Variants in NLRP2 observed in about 807,000 individuals in gnomAD.
NLRP2 encodes NACHT, LRR and PYD domains-containing protein 2.
A neutral mutation model predicts 97.2 loss-of-function variants in NLRP2; 107 were observed. The ratio of observed to expected loss-of-function variants is 1.10; its 90% confidence interval spans 0.94 to 1.29. NLRP2 has a LOEUF of 1.29. NLRP2 is among the 50% of genes most tolerant of loss of function. The pLI is 0.00. For synonymous variants in NLRP2, 663 were observed against 551.5 expected, an observed-to-expected ratio of 1.20 and a Z score of -2.83; for missense variants, 1,495 against 1,330.3, an observed-to-expected ratio of 1.12 and a Z score of -1.93.
Position 54,988,543 on chromosome 19 carries a change from C to T in NLRP2, c.2367-1479C>T, listed in dbSNP as rs190621850. 1.9e-3 allele frequency among the ~76,000 whole-genome samples: 290 copies of T among 152,140 alleles called. 3 individuals carry two copies. The highest frequency in any genetic ancestry group is 3.1e-3 in the Admixed American group (47 of 15,264). On this transcript the variant is annotated intron_variant, in intron 8 of 12. Transcript: ENST00000448584. ...CTCAAACTCCTGACCTCGGGCAATC[C>T]ACCACACCCAGCTAATTTTTGGTAT...
chr19:54,986,513 G>A (rs1034374834), intron 8 of NLRP2, 198 bp downstream of exon 8: 19 of 614,198 alleles, frequency 3.1e-5, no homozygotes, highest in South Asian at 9.6e-5. Context: ...ACAACCATAC[G>A]TGAGGACCCT....
At chr19:54,997,232 C>T in intron 11 of NLRP2, 85 bp from the exon 12 acceptor site, 1 of 1,394,830 alleles carries the variant, frequency 7.2e-7, no homozygotes, top group Non-Finnish European at 1.0e-6. Context: ...ATGCAGATCC[C>T]CAACACACGA....
chr19:54,982,391 A>G lies in NLRP2; in HGVS notation c.693A>G (p.Ala231=), dbSNP rs1228967269. 8 of 1,614,146 alleles carry G rather than the reference A, an allele frequency of 5.0e-6. No homozygotes were observed. The South Asian group carries it at 7.7e-5, about 16-fold the overall frequency. The change falls in exon 6 of 13, where the codon GCA becomes GCG. Residue 231 remains alanine (A), a synonymous_variant. Coordinates refer to ENST00000448584, the MANE Select transcript of NLRP2 (RefSeq NM_017852.5). ...CCCAGAAACTAATGCTAGACTGGGC[A>G]GAGGACAACCTCATCCACAAATTCA... is the stretch of plus-strand genomic sequence containing the variant. The part of the protein sequence containing the change: ...TLAQKLMLDW[A]EDNLIHKFKY...
chr19:54,986,422 A>G, intron 8 of NLRP2, 107 bp downstream of exon 8: 2 of 1,015,304 alleles, frequency 2.0e-6, no homozygotes, highest in Non-Finnish European at 1.5e-6. Context: ...CTGACTAGAA[A>G]CAGTACTAAG....
At position 54,983,012 on chromosome 19, in the gene NLRP2, G is replaced by A. The variant is rs147549405; in HGVS notation, c.1314G>A (p.Pro438=). 29 of 1,610,458 alleles carry A rather than the reference G, an allele frequency of 1.8e-5. No individual in the cohort carries two copies. Among genetic ancestry groups the A allele is most frequent in the East Asian group, 6.7e-5 (3 of 44,802 alleles). Residue 438 remains proline (P), a synonymous_variant, in exon 6 of 13, where the codon CCG becomes CCA. Transcript: ENST00000448584. The stretch of plus-strand genomic sequence containing the variant: ...TGCGTTTCCTCTGCAGCCGGTTCCC[G>A]CAGGGCGCACAGCTGCGGGGCGCGC... ...LFLRFLCSRF[P]QGAQLRGALR... is the part of the protein sequence containing the mutation.
At chr19:54,979,502 G>A (rs538043600) in intron 4 of NLRP2, among the ~76,000 whole-genome samples, 9 of 151,634 alleles carry the variant, frequency 5.9e-5, no homozygotes, top group Non-Finnish European at 1.2e-4. Flanking sequence ...ACCACATCTG[G>A]CTAATTTTTG....
chr19:54,975,921 T>C (rs1216038343), intron 3 of NLRP2, among the ~76,000 whole-genome samples: 1 of 151,700 alleles, frequency 6.6e-6, no homozygotes, highest in Admixed American at 6.6e-5. Flanking sequence ...TGACTAATAT[T>C]TGTATTTTTG....
Position 54,982,630 on chromosome 19 carries a change from A to G in NLRP2, c.932A>G (p.Lys311Arg), listed in dbSNP as rs1447929172. ...GACATCTGCGGGGACTGGGAGAAGA[A>G]GAAGCCGGTGCCCGTCCTCCTGGGG... is the stretch of plus-strand genomic sequence containing the variant. Reference protein sequence around the residue: ...IEDICGDWEKKKPVPVLLGSL... With the variant: ...IEDICGDWEKRKPVPVLLGSL... Residue 311 changes from lysine (K) to arginine (R), a missense_variant, in exon 6 of 13, where the codon AAG becomes AGG. Transcript: ENST00000448584. 5 of 1,614,048 alleles carry G rather than the reference A, an allele frequency of 3.1e-6. No homozygotes were observed. In the African/African-American group the frequency reaches 5.3e-5, roughly 17 times the overall value.
chr19:54,989,809 C>G, intron 8 of NLRP2: 1 of 607,984 alleles, frequency 1.6e-6, no homozygotes, highest in Non-Finnish European at 2.9e-6. Context: ...CATGGAGAGA[C>G]CCCCACCTCT....
intron 8 of NLRP2, chr19:54,989,711 C>G (rs558446105): frequency 1.7e-5 from 8 of 483,152 alleles, no homozygotes; most frequent in African/African-American, 1.2e-4. Flanking sequence ...CTGCCGGGCG[C>G]GGTGGCTCAC....
chr19:54,970,873 A>G (rs1221384343), intron 2 of NLRP2, among the ~76,000 whole-genome samples: 2 of 140,890 alleles, frequency 1.4e-5, no homozygotes, highest in African/African-American at 2.6e-5. Context: ...CACATTGTGC[A>G]GGTTAGTTAC....
At chr19:54,970,418 A>G (rs2070772540) in intron 2 of NLRP2, 123 bp downstream of exon 2, 3 of 1,154,888 alleles carry the variant, frequency 2.6e-6, no homozygotes, top group Admixed American at 1.9e-5. Context: ...TGGGAGGCTG[A>G]GGCGGTTGGA....
At chr19:54,995,391 C>T (rs2072753512) in intron 11 of NLRP2, among the ~76,000 whole-genome samples, 2 of 151,452 alleles carry the variant, frequency 1.3e-5, no homozygotes, top group African/African-American at 2.4e-5. Context: ...GGGGTTTCTC[C>T]ATGTTGGTCA....
chr19:55,000,874 T>C lies in NLRP2; in HGVS notation c.3165T>C (p.Pro1055=), dbSNP rs781650162. The C allele has an allele frequency of 1.2e-6, 2 of 1,613,398 alleles. No homozygotes were observed. Among genetic ancestry groups the C allele is most frequent in the Non-Finnish European group, 1.7e-6 (2 of 1,179,652 alleles). ...TEKHHPWAER[P]SSHDFMI ...AACATCATCCCTGGGCAGAAAGGCCTTCTTCTCATGACTTCATGATCTGAA... is the reference window on the plus strand; with the variant it reads ...AACATCATCCCTGGGCAGAAAGGCCCTCTTCTCATGACTTCATGATCTGAA... Residue 1055 remains proline, a synonymous_variant, in exon 13 of 13, where the codon CCT becomes CCC. Coordinates refer to ENST00000448584, the MANE Select transcript of NLRP2 (RefSeq NM_017852.5).
chr19:54,984,962 CAG>C (rs1418131454), intron 6 of NLRP2, 83 bp from the exon 7 acceptor site: 1 of 1,286,282 alleles, frequency 7.8e-7, no homozygotes, highest in African/African-American at 1.5e-5. Context: ...ACTCATTTGT[CAG>C]GGGTATATGC....
In NLRP2 at chr19:54,982,383, G is replaced by C. The variant is rs1174612376; in HGVS notation, c.685G>C (p.Asp229His). The part of the protein sequence containing the change: ...KTTLAQKLML[D>H]WAEDNLIHKF... ...CACGCTGGCCCAGAAACTAATGCTA[G>C]ACTGGGCAGAGGACAACCTCATCCA... is the stretch of plus-strand genomic sequence containing the variant. The change falls in exon 6 of 13, where the codon GAC becomes CAC. Residue 229 changes from aspartate (D) to histidine (H), a missense_variant. By Grantham distance (81) the Asp-to-His change is moderately conservative. Transcript: ENST00000448584. 6.2e-7 allele frequency: 1 copy of C among 1,614,100 alleles called. No homozygotes were observed. Among genetic ancestry groups the C allele is most frequent in the Non-Finnish European group, 8.5e-7 (1 of 1,180,044 alleles).
At chr19:54,985,877 A>G (rs1340265495) in intron 7 of NLRP2, among the ~76,000 whole-genome samples, 1 of 151,852 alleles carries the variant, frequency 6.6e-6, no homozygotes, top group Non-Finnish European at 1.5e-5. Flanking sequence ...AGGTGCCTAT[A>G]ATCCCAGCTA....
At chr19:54,970,392 TGTC>T in intron 2 of NLRP2, 97 bp downstream of exon 2, 2 of 1,450,064 alleles carry the variant, frequency 1.4e-6, no homozygotes, top group East Asian at 4.5e-5. Flanking sequence ...GGCTCACGCC[TGTC>T]GTCCCAGCCC....
Position 54,966,428 on chromosome 19 carries a change from G to C in NLRP2, c.-57G>C, listed in dbSNP as rs988764852. The stretch of plus-strand genomic sequence containing the variant: ...CTTATTAGAGCTTTCTCAACCTGCA[G>C]CCCTCATCTCCGCCGGCGAGTAGGG... On this transcript the variant is annotated 5_prime_UTR_variant, in exon 1 of 13. Transcript: ENST00000448584. The C allele has an allele frequency of 2.6e-5, 4 of 152,144 alleles. No homozygotes were observed. The highest frequency in any genetic ancestry group is 9.7e-5 in the African/African-American group (4 of 41,446). The allele number at this position is 152,144 out of a possible 1,614,324, so 9.4% of individuals were successfully genotyped here. A position where few individuals can be genotyped will look rare whatever the true frequency, so the allele number is the denominator to read the frequency against.
Sources: allele counts gnomAD v4.1 joint callset (sites outside exome capture counted in the v4.1 genomes callset), GRCh38; gene constraint gnomAD v4.1.1; transcripts MANE v1.5; gene names NCBI Gene and HGNC (gene_info 2026-07-23, HGNC 2026-07-21).